Variants in SV2C observed in about 807,000 individuals in gnomAD.
SV2C encodes synaptic vesicle glycoprotein 2C.
In SV2C, 49 loss-of-function variants were observed where a neutral mutation model predicts 79.7. The ratio of observed to expected loss-of-function variants is 0.61; its 90% CI spans 0.49 to 0.78. The LOEUF (loss-of-function observed/expected upper bound fraction) is 0.78, where lower values mean the gene tolerates loss of function less well. SV2C is among the 30% of genes least tolerant of loss of function. SV2C has a pLI of 0.00. For synonymous variants in SV2C, 334 were observed against 333.2 expected (o/e 1.00, Z -0.03); for missense variants, 833 against 912.9 (o/e 0.91, Z 1.13).
intron 12 of SV2C, among the ~76,000 whole-genome samples, chr5:76,302,212 C>G (rs1246733751): frequency 6.6e-6 from 1 of 152,140 alleles, no homozygotes; most frequent in African/African-American, 2.4e-5. Context: ...GGGTCGTTTC[C>G]TTAGGTTTGC....
At chr5:75,977,723 A>C in the SV2C span, among the ~76,000 whole-genome samples, 1 of 152,240 alleles carries the variant, frequency 6.6e-6, no homozygotes, top group East Asian at 1.9e-4. Flanking sequence ...CAACACATGC[A>C]CAGCCTTCGT....
At chr5:75,868,321 C>T in the SV2C span, among the ~76,000 whole-genome samples, 2 of 152,166 alleles carry the variant, frequency 1.3e-5, no homozygotes, top group Admixed American at 1.3e-4. Context: ...TGGCTTTTTC[C>T]CACTGACCAT....
intron 2 of SV2C, chr5:76,173,998 C>G (rs750922775): frequency 2.6e-6 from 4 of 1,564,500 alleles, no homozygotes; most frequent in South Asian, 2.2e-5. Context: ...CTGTAAATTG[C>G]TCCGTTCCTG....
At chr5:76,201,740 C>T (rs553345628) in intron 3 of SV2C, among the ~76,000 whole-genome samples, 4 of 152,070 alleles carry the variant, frequency 2.6e-5, no homozygotes, top group Admixed American at 6.5e-5. Flanking sequence ...GCACAGAGGC[C>T]GGGTACGGTG....
chr5:76,038,213 C>G, the SV2C span, among the ~76,000 whole-genome samples: 1 of 152,344 alleles, frequency 6.6e-6, no homozygotes, highest in East Asian at 1.9e-4. Context: ...CTTATTTATT[C>G]TTCTTCCAGC....
chr5:76,087,676 A>C (rs1446203249), intron 1 of SV2C, among the ~76,000 whole-genome samples: 4 of 152,238 alleles, frequency 2.6e-5, no homozygotes, highest in Non-Finnish European at 5.9e-5. Flanking sequence ...TGTTATCATT[A>C]GGGGAACCAC....
At chr5:76,151,019 A>G (rs1420951738) in intron 2 of SV2C, among the ~76,000 whole-genome samples, 1 of 152,150 alleles carries the variant, frequency 6.6e-6, no homozygotes, top group Non-Finnish European at 1.5e-5. Context: ...CCAGATACAA[A>G]CTATCTGCAA....
At chr5:75,865,185 A>C in the SV2C span, among the ~76,000 whole-genome samples, 1 of 152,250 alleles carries the variant, frequency 6.6e-6, no homozygotes, top group African/African-American at 2.4e-5. Flanking sequence ...ATTGCCTGTT[A>C]TAAGCTGGGT....
intron 4 of SV2C, among the ~76,000 whole-genome samples, chr5:76,257,682 T>C (rs1336159301): frequency 6.7e-6 from 1 of 148,800 alleles, no homozygotes; most frequent in Non-Finnish European, 1.5e-5. Context: ...TGTGGTGTGG[T>C]GTGTGGTATG....
chr5:76,223,511 A>C (rs1745150007), intron 4 of SV2C, among the ~76,000 whole-genome samples: 1 of 135,650 alleles, frequency 7.4e-6, no homozygotes, highest in Non-Finnish European at 1.6e-5. Context: ...ATGTATATAA[A>C]GATTTCATAA....
intron 1 of SV2C, among the ~76,000 whole-genome samples, chr5:76,084,923 A>G (rs1294115114): frequency 6.6e-6 from 1 of 151,944 alleles, no homozygotes; most frequent in Non-Finnish European, 1.5e-5. Context: ...AGTGCCGGGA[A>G]GGAGCCGCAG....
At chr5:76,250,763 T>C (rs1336745838) in intron 4 of SV2C, among the ~76,000 whole-genome samples, 2 of 152,196 alleles carry the variant, frequency 1.3e-5, no homozygotes, top group Non-Finnish European at 2.9e-5. Context: ...AACGATATCA[T>C]CAAGAGCAAA....
At chr5:75,950,304 G>T in the SV2C span, among the ~76,000 whole-genome samples, 1 of 151,950 alleles carries the variant, frequency 6.6e-6, no homozygotes, top group Admixed American at 6.6e-5. Flanking sequence ...ACACAGCTGA[G>T]AAATAGGCCA....
the SV2C span, among the ~76,000 whole-genome samples, chr5:75,942,667 C>T: frequency 6.6e-6 from 1 of 152,168 alleles, no homozygotes; most frequent in African/African-American, 2.4e-5. Context: ...TCCTACCATT[C>T]ATAATTTATT....
the SV2C span, among the ~76,000 whole-genome samples, chr5:75,851,007 C>T: frequency 6.6e-6 from 1 of 152,142 alleles, no homozygotes; most frequent in Non-Finnish European, 1.5e-5. Context: ...TCTCTTTTTG[C>T]TCTCCCCTAC....
At chr5:75,956,785 A>G in the SV2C span, among the ~76,000 whole-genome samples, 1 of 151,970 alleles carries the variant, frequency 6.6e-6, no homozygotes, top group African/African-American at 2.4e-5. Context: ...CTCCTCTGGG[A>G]AACCTCTGGG....
chr5:76,274,271 A>G (rs1359581428), intron 4 of SV2C, among the ~76,000 whole-genome samples: 1 of 152,218 alleles, frequency 6.6e-6, no homozygotes, highest in Non-Finnish European at 1.5e-5. Flanking sequence ...AGACACTAGA[A>G]AATTCAAACA....
chr5:76,303,007 T>C (rs1238691300), intron 12 of SV2C, among the ~76,000 whole-genome samples: 1 of 152,230 alleles, frequency 6.6e-6, no homozygotes, highest in Non-Finnish European at 1.5e-5. Flanking sequence ...ATTCTGTGTG[T>C]GTCCTGTCCT....
the SV2C span, among the ~76,000 whole-genome samples, chr5:76,078,076 G>A: frequency 6.6e-6 from 1 of 152,242 alleles, no homozygotes; most frequent in Non-Finnish European, 1.5e-5. Context: ...CCACATCTAA[G>A]AGTAGTGGGT....
Sources: allele counts gnomAD v4.1 joint callset (sites outside exome capture counted in the v4.1 genomes callset), GRCh38; gene constraint gnomAD v4.1.1; transcripts MANE v1.5; gene names NCBI Gene and HGNC (gene_info 2026-07-23, HGNC 2026-07-21).